The following ADCY8 variants were observed in gnomAD, a reference collection of about 807,000 sequenced individuals.
The protein encoded by ADCY8 is adenylate cyclase 8, also known as adenylate cyclase type 8.
ADCY8 carries 51 observed loss-of-function variants against 119.7 expected under a neutral mutation model. That is an observed-to-expected ratio of 0.43 (90% CI 0.34 to 0.54). The LOEUF (loss-of-function observed/expected upper bound fraction) is 0.54, where lower values mean the gene tolerates loss of function less well. Ranked by LOEUF, ADCY8 falls within the 20% of genes least tolerant of loss-of-function variation. The pLI is 0.03. For missense variants in ADCY8, 1,383 were observed against 1,598.8 expected, an observed-to-expected ratio of 0.87 and a Z score of 2.30; for synonymous variants, 665 against 651.0, an observed-to-expected ratio of 1.02 and a Z score of -0.33.
chr8:130,905,201 A>G (rs149781264), intron 6 of ADCY8, among the ~76,000 whole-genome samples: 2 of 152,352 alleles, frequency 1.3e-5, no homozygotes, highest in African/African-American at 4.8e-5. Flanking sequence ...ATTCTAAAAA[A>G]TGCCATTGTC....
At chr8:130,953,758 C>T (rs150477350) in intron 2 of ADCY8, among the ~76,000 whole-genome samples, 2 of 152,240 alleles carry the variant, frequency 1.3e-5, no homozygotes, top group Non-Finnish European at 2.9e-5. Flanking sequence ...GGCATCAAGT[C>T]CTTCTCCCTC....
intron 9 of ADCY8, among the ~76,000 whole-genome samples, chr8:130,851,499 G>T (rs1183773924): frequency 6.6e-6 from 1 of 152,150 alleles, no homozygotes; most frequent in African/African-American, 2.4e-5. Context: ...GTGTGGCTGT[G>T]CTCAGGAGCT....
At chr8:130,854,892 C>T (rs1817668725) in intron 9 of ADCY8, among the ~76,000 whole-genome samples, 1 of 134,370 alleles carries the variant, frequency 7.4e-6, no homozygotes, top group Non-Finnish European at 1.6e-5. Flanking sequence ...TTTCCCTTTC[C>T]CTCCCTCCCT....
At chr8:131,027,767 C>T (rs1368213463) in intron 1 of ADCY8, among the ~76,000 whole-genome samples, 1 of 152,054 alleles carries the variant, frequency 6.6e-6, no homozygotes, top group Non-Finnish European at 1.5e-5. Context: ...TACTTGCTGA[C>T]TGAGGGAGGG....
At position 130,827,965 on chromosome 8, in the gene ADCY8, T is replaced by C. The variant is rs1816717364; in HGVS notation, c.2676-6545A>G. ...GGAGAACATGGAGAATCCTGGTTAC[T>C]GGGCATGTTGGCTGTGTTTGAACCG... On this transcript the variant is annotated intron_variant, in intron 12 of 17. Transcript: ENST00000286355. Among the ~76,000 whole-genome samples, 5 of 152,204 alleles carry C rather than the reference T, an allele frequency of 3.3e-5. No individual in the cohort carries two copies. The South Asian group carries it at 1.0e-3, about 31-fold the overall frequency.
intron 1 of ADCY8, among the ~76,000 whole-genome samples, chr8:131,011,424 A>C (rs891582994): frequency 2.0e-5 from 3 of 152,088 alleles, no homozygotes; most frequent in Non-Finnish European, 4.4e-5. Flanking sequence ...TATGGATGGG[A>C]CCTGAAAGAA....
chr8:130,934,322 C>T (rs925565303), intron 5 of ADCY8, among the ~76,000 whole-genome samples: 3 of 152,152 alleles, frequency 2.0e-5, no homozygotes, highest in African/African-American at 7.2e-5. Flanking sequence ...ACAATCATGG[C>T]AGAAGGTAAA....
chr8:130,932,359 G>A (rs6470862), intron 5 of ADCY8, among the ~76,000 whole-genome samples: 114,301 of 152,020 alleles, frequency 0.75, 44,030 homozygotes, highest in African/African-American at 0.94. Context: ...CCATCGGGGC[G>A]TGTGTAGAGG....
At chr8:130,946,377 C>G (rs1216342947) in intron 3 of ADCY8, among the ~76,000 whole-genome samples, 5 of 152,182 alleles carry the variant, frequency 3.3e-5, no homozygotes, top group African/African-American at 1.2e-4. Context: ...TCCCACCATA[C>G]ATTATGCACC....
intron 1 of ADCY8, among the ~76,000 whole-genome samples, chr8:130,999,652 C>T (rs1001598385): frequency 1.3e-5 from 2 of 152,188 alleles, no homozygotes; most frequent in African/African-American, 2.4e-5. Context: ...CCACAGTCTG[C>T]AGCCCAAGCT....
At chr8:131,006,573 C>A (rs1380259449) in intron 1 of ADCY8, among the ~76,000 whole-genome samples, 2 of 152,136 alleles carry the variant, frequency 1.3e-5, no homozygotes, top group Non-Finnish European at 2.9e-5. Context: ...GGATTCTAGA[C>A]CTTAGTTTTT....
intron 17 of ADCY8, among the ~76,000 whole-genome samples, chr8:130,782,360 T>C (rs763492870): frequency 2.0e-5 from 3 of 152,068 alleles, no homozygotes; most frequent in Non-Finnish European, 4.4e-5. Context: ...GCAGAGGAGG[T>C]AATAATTTAA....
At position 131,039,696 on chromosome 8, in the gene ADCY8, C is replaced by T; in HGVS notation, c.638G>A (p.Gly213Asp). 6.2e-7 allele frequency: 1 copy of T among 1,614,136 alleles called. No homozygotes were observed. Among genetic ancestry groups the T allele is most frequent in the Non-Finnish European group, 8.5e-7 (1 of 1,180,034 alleles). Residue 213 changes from glycine (G) to aspartate (D), a missense_variant, in exon 1 of 18, where the codon GGC (glycine) becomes GAC (aspartate). Transcript: ENST00000286355. ...GCCGGTGAAGAAGCCCAGCAGGATG[C>T]CCTTGAGCGGGTCCATGGGGGCCGA... ...LASAPMDPLK[G>D]ILLGFFTGIE... is the part of the protein sequence containing the mutation.
chr8:130,996,407 G>A (rs562463577), intron 1 of ADCY8, among the ~76,000 whole-genome samples: 1 of 152,044 alleles, frequency 6.6e-6, no homozygotes, highest in South Asian at 2.1e-4. Flanking sequence ...AGATTAGAGG[G>A]GGGTCTTGAC....
Position 131,040,250 on chromosome 8 carries a change from C to T in ADCY8, c.84G>A (p.Arg28=), listed in dbSNP as rs760652637. Residue 28 remains arginine (R), a synonymous_variant, in exon 1 of 18, where the codon AGG becomes AGA. Transcript: ENST00000286355. ...GCAGCCGCTGCGGCCGGGAGGCGCTCCTGCCGTCGCCGGCCGGGGGCGTCG... is the reference window on the plus strand; with the variant it reads ...GCAGCCGCTGCGGCCGGGAGGCGCTTCTGCCGTCGCCGGCCGGGGGCGTCG... ...IHPTPPAGDG[R]SASRPQRLLW... 1.4e-4 allele frequency: 222 copies of T among 1,550,314 alleles called. No homozygotes were observed. Among genetic ancestry groups the T allele is most frequent in the Non-Finnish European group, 1.9e-4 (218 of 1,154,808 alleles).
At chr8:131,011,745 G>A (rs1823311883) in intron 1 of ADCY8, among the ~76,000 whole-genome samples, 1 of 152,020 alleles carries the variant, frequency 6.6e-6, no homozygotes, top group Admixed American at 6.6e-5. Context: ...CAGCAGATGG[G>A]GTGCAAGAAT....
chr8:130,786,793 C>G (rs1409467918), intron 15 of ADCY8, among the ~76,000 whole-genome samples: 3 of 152,020 alleles, frequency 2.0e-5, no homozygotes, highest in Non-Finnish European at 4.4e-5. Flanking sequence ...GAGATCAGGC[C>G]ATTTTGATCT....
At chr8:130,848,854 G>T (rs1399564014) in intron 10 of ADCY8, among the ~76,000 whole-genome samples, 1 of 152,120 alleles carries the variant, frequency 6.6e-6, no homozygotes, top group African/African-American at 2.4e-5. Flanking sequence ...TGACAATGTG[G>T]GTCAGCAAAT....
At chr8:130,855,562 C>T (rs929889726) in intron 9 of ADCY8, among the ~76,000 whole-genome samples, 1 of 152,054 alleles carries the variant, frequency 6.6e-6, no homozygotes, top group Non-Finnish European at 1.5e-5. Flanking sequence ...GGCATCAAGG[C>T]TTGCTCCCCT....
Sources: allele counts gnomAD v4.1 joint callset (sites outside exome capture counted in the v4.1 genomes callset), GRCh38; gene constraint gnomAD v4.1.1; transcripts MANE v1.5; gene names NCBI Gene and HGNC (gene_info 2026-07-23, HGNC 2026-07-21).